Variants in SMC5 observed in about 807,000 individuals in gnomAD.
SMC5 encodes the protein structural maintenance of chromosomes 5, also known as structural maintenance of chromosomes protein 5.
Under a neutral mutation model 148.3 loss-of-function variants are expected in SMC5, and 88 were observed. The ratio of observed to expected loss-of-function variants is 0.59; its 90% CI spans 0.50 to 0.71. The LOEUF is 0.71. SMC5 is among the 30% of genes least tolerant of loss of function. The pLI is 0.00. For synonymous variants in SMC5, 421 were observed against 432.8 expected (o/e 0.97, Z 0.34); for missense variants, 1,142 against 1,298.9 (o/e 0.88, Z 1.86).
intron 17 of SMC5, among the ~76,000 whole-genome samples, chr9:70,339,196 G>T (rs889969748): frequency 1.3e-5 from 2 of 152,102 alleles, no homozygotes. Flanking sequence ...TTGGGAGGCC[G>T]AGGTGGGTGG....
chr9:70,314,628 G>C (rs931053398), intron 11 of SMC5, 114 bp from the exon 12 acceptor site: 17 of 444,392 alleles, frequency 3.8e-5, no homozygotes, highest in Non-Finnish European at 6.5e-5. Context: ...CTAATATGCC[G>C]TGTTCGAGTT....
At chr9:70,286,717 C>CTTTTTTTTTTTTT (rs34919823) in intron 8 of SMC5, 1 of 117,460 alleles carries the variant, frequency 8.5e-6, no homozygotes, top group Non-Finnish European at 1.7e-5. Context: ...AACTTTTCGT[C>CTTTTTTTTTTTTT]TTTTTTTTTT....
In SMC5 at chr9:70,271,155, AGC is replaced by A. The variant is rs1348522170; in HGVS notation, c.380+3181_380+3182del. 3.7e-4 allele frequency among the ~76,000 whole-genome samples: 3 copies of A among 8,002 alleles called. No homozygotes were observed. The East Asian group carries it at 6.7e-3, about 18-fold the overall frequency. 5.2% of individuals were successfully genotyped at this position (8,002 alleles called of 152,430 possible). ...GCACACAAGAAGTTTTGGATTTTGGAGCATTTTGGATTTTGGAGTATACAGGG... is the reference window on the plus strand; with the variant it reads ...GCACACAAGAAGTTTTGGATTTTGGAATTTTGGATTTTGGAGTATACAGGG... On this transcript the variant is annotated intron_variant, in intron 3 of 24. Transcript: ENST00000361138.
chr9:70,276,721 G>A (rs953949992), intron 3 of SMC5, among the ~76,000 whole-genome samples: 3 of 152,290 alleles, frequency 2.0e-5, no homozygotes, highest in Admixed American at 1.3e-4. Context: ...ACTTCTAAAA[G>A]CGAGAAATAA....
chr9:70,261,236 C>G (rs2034120871), intron 1 of SMC5, among the ~76,000 whole-genome samples: 1 of 152,202 alleles, frequency 6.6e-6, no homozygotes, highest in Non-Finnish European at 1.5e-5. Context: ...CGACATCATC[C>G]TGTAGGCAGC....
intron 8 of SMC5, among the ~76,000 whole-genome samples, chr9:70,290,738 G>GA (rs1265784479): frequency 3.3e-5 from 5 of 151,856 alleles, no homozygotes; most frequent in Middle Eastern, 3.4e-3. Context: ...TTCCTATTTA[G>GA]AAAAAAAGTA....
chr9:70,308,348 G>A (rs1008332333), intron 11 of SMC5, among the ~76,000 whole-genome samples: 23 of 151,842 alleles, frequency 1.5e-4, no homozygotes, highest in Middle Eastern at 3.4e-3. Context: ...GCTCACGCTC[G>A]TAATCCCAGC....
intron 24 of SMC5, 95 bp from the exon 25 acceptor site, chr9:70,352,096 A>G (rs2036818963): frequency 3.4e-6 from 4 of 1,176,516 alleles, no homozygotes. Context: ...TTAATATTGC[A>G]AATAAAATAA....
At chr9:70,299,390 T>G (rs1012980509) in intron 9 of SMC5, among the ~76,000 whole-genome samples, 4 of 152,016 alleles carry the variant, frequency 2.6e-5, no homozygotes, top group African/African-American at 7.2e-5. Context: ...AAAAGCTGTC[T>G]TATCGGGCAT....
intron 17 of SMC5, among the ~76,000 whole-genome samples, chr9:70,340,882 ATACT>A (rs1270680102): frequency 6.6e-6 from 1 of 152,154 alleles, no homozygotes; most frequent in Non-Finnish European, 1.5e-5. Flanking sequence ...AAAAAAGATA[ATACT>A]TACAAATTTT....
chr9:70,303,803 T>C (rs1587667325), intron 10 of SMC5, among the ~76,000 whole-genome samples: 1 of 152,238 alleles, frequency 6.6e-6, no homozygotes, highest in East Asian at 1.9e-4. Flanking sequence ...TTAGCTAGTT[T>C]GCTTTGTAAT....
chr9:70,300,053 C>T lies in SMC5; in HGVS notation c.1317C>T (p.Asp439=), dbSNP rs754670445. ...ETLEKEKKSV[D]DHIVRFDNLM... is the part of the protein sequence containing the mutation. Reference sequence around the variant, plus strand: ...TTTGTTTTACAATTTTAGGTGTGGACGATCATATTGTACGTTTTGACAATC... The same window carrying T: ...TTTGTTTTACAATTTTAGGTGTGGATGATCATATTGTACGTTTTGACAATC... Residue 439 remains aspartate (D), a synonymous_variant, in exon 10 of 25, where the codon GAC becomes GAT. Coordinates refer to ENST00000361138, the MANE Select transcript of SMC5 (RefSeq NM_015110.4). The T allele has an allele frequency of 2.0e-5, 31 of 1,565,572 alleles. No homozygotes were observed. The highest frequency in any genetic ancestry group is 8.4e-5 in the African/African-American group (6 of 71,752).
At chr9:70,337,680 T>C (rs1587710059) in intron 17 of SMC5, among the ~76,000 whole-genome samples, 1 of 151,958 alleles carries the variant, frequency 6.6e-6, no homozygotes, top group East Asian at 1.9e-4. Flanking sequence ...GGCCTCAAAC[T>C]CCTGACATCA....
rs762133199 is a variant in SMC5, at chr9:70,347,093, G to A, written c.2596G>A (p.Asp866Asn). The A allele has an allele frequency of 1.2e-6, 2 of 1,613,820 alleles. No individual in the cohort carries two copies. Among genetic ancestry groups the A allele is most frequent in the Non-Finnish European group, 1.7e-6 (2 of 1,179,912 alleles). Residue 866 changes from aspartate (D) to asparagine (N), a missense_variant, in exon 20 of 25, where the codon GAT (aspartate) becomes AAT (asparagine). By Grantham distance (23) the Asp-to-Asn change is conservative. Around this residue, in one of 5 missense-constraint regions of SMC5, gnomAD observed 743 missense variants for 835.7 expected, o/e 0.89. Coordinates refer to ENST00000361138, the MANE Select transcript of SMC5 (RefSeq NM_015110.4). Reference protein sequence around the residue: ...MVFQDLPNTLDEIDALLTEER... With the variant: ...MVFQDLPNTLNEIDALLTEER... ...TTTCCAAGACCTTCCAAACACATTGGATGAAATTGATGCTTTATTAACTGA... is the reference window on the plus strand; with the variant it reads ...TTTCCAAGACCTTCCAAACACATTGAATGAAATTGATGCTTTATTAACTGA...
At chr9:70,349,426 A>G (rs1587724028) in intron 22 of SMC5, among the ~76,000 whole-genome samples, 1 of 152,196 alleles carries the variant, frequency 6.6e-6, no homozygotes, top group Non-Finnish European at 1.5e-5. Context: ...TAGAAGTGCC[A>G]TCAATAAGAA....
rs1344863756 is a variant in SMC5 at position 70,258,993 on chromosome 9, G to GGGGCGCCTGGGTGGATGGGCGCTT, written c.-74_-51dup. Reference sequence around the variant, plus strand: ...AGTTCGCGGCAGTTCGCGCGGGAGCGGGGCGCCTGGGTGGATGGGCGCTTG... The same window carrying GGGGCGCCTGGGTGGATGGGCGCTT: ...AGTTCGCGGCAGTTCGCGCGGGAGCGGGGCGCCTGGGTGGATGGGCGCTTGGGCGCCTGGGTGGATGGGCGCTTG... On this transcript the variant is annotated 5_prime_UTR_variant, in exon 1 of 25. The change creates a new upstream start codon in the 5' untranslated region. Coordinates refer to ENST00000361138, the MANE Select transcript of SMC5 (RefSeq NM_015110.4). The GGGGCGCCTGGGTGGATGGGCGCTT allele has an allele frequency of 2.1e-6, 3 of 1,434,346 alleles. No individual in the cohort carries two copies. The highest frequency in any genetic ancestry group is 2.9e-5 in the South Asian group (2 of 68,290). 88.9% of individuals were successfully genotyped at this position (1,434,346 alleles called of 1,614,324 possible).
In SMC5 at chr9:70,278,696, G is replaced by A. The variant is rs569721687; in HGVS notation, c.678+71G>A. On this transcript the variant is annotated intron_variant, in intron 5 of 24. Coordinates refer to ENST00000361138, the MANE Select transcript of SMC5 (RefSeq NM_015110.4). ...TGTATCTCAGAACATGGGAGAGAGA[G>A]TAGTAGTATTGATTCATTGAGTGAA... 70 of 1,432,248 alleles carry A rather than the reference G, an allele frequency of 4.9e-5. 2 individuals carry two copies. The African/African-American group carries it at 9.1e-4, about 19-fold the overall frequency. The allele number at this position is 1,432,248 out of a possible 1,614,324, so 88.7% of individuals were successfully genotyped here.
intron 11 of SMC5, among the ~76,000 whole-genome samples, chr9:70,309,078 A>G (rs1444530627): frequency 2.0e-5 from 3 of 152,206 alleles, no homozygotes; most frequent in Non-Finnish European, 4.4e-5. Context: ...GCTAAAAAAT[A>G]CGAACAATCA....
chr9:70,271,602 T>A (rs538775992), intron 3 of SMC5, among the ~76,000 whole-genome samples: 72 of 152,248 alleles, frequency 4.7e-4, no homozygotes, highest in Middle Eastern at 3.4e-3. Flanking sequence ...GTTAGATAAG[T>A]AAAATGTATA....
Sources: allele counts gnomAD v4.1 joint callset (sites outside exome capture counted in the v4.1 genomes callset), GRCh38; gene constraint gnomAD v4.1.1; regional missense constraint gnomAD v4.1.1; transcripts MANE v1.5; gene names NCBI Gene and HGNC (gene_info 2026-07-23, HGNC 2026-07-21).